The following FMN1 variants were observed in gnomAD, a reference collection of about 807,000 sequenced individuals.
FMN1 encodes formin 1, also known as formin-1.
FMN1 carries 110 observed loss-of-function variants against 132.4 expected under a neutral mutation model. The observed-to-expected ratio is 0.83, with a 90% confidence interval of 0.71 to 0.97. The LOEUF is 0.97. Ranked by LOEUF, FMN1 falls within the 50% of genes least tolerant of loss-of-function variation. The pLI is 0.00. For synonymous variants in FMN1, 722 were observed against 651.7 expected (o/e 1.11, Z -1.64); for missense variants, 1,792 against 1,705.3 (o/e 1.05, Z -0.90).
chr15:33,019,765 C>T (rs943969475), intron 6 of FMN1, among the ~76,000 whole-genome samples: 8 of 152,350 alleles, frequency 5.3e-5, no homozygotes, highest in Non-Finnish European at 1.0e-4. Flanking sequence ...GCAGGCCACT[C>T]GGAGTGCGGG....
At chr15:32,865,901 A>C (rs896027615) in intron 16 of FMN1, among the ~76,000 whole-genome samples, 11 of 152,178 alleles carry the variant, frequency 7.2e-5, no homozygotes, top group African/African-American at 2.4e-4. Flanking sequence ...TCAATAATAG[A>C]AATACAAGTA....
intron 12 of FMN1, among the ~76,000 whole-genome samples, chr15:32,908,006 T>C (rs533378215): frequency 6.6e-6 from 1 of 151,456 alleles, no homozygotes; most frequent in African/African-American, 2.4e-5. Flanking sequence ...ATGTACAGAG[T>C]GAGGGTGAGA....
At chr15:33,119,714 T>C (rs1002933103) in intron 4 of FMN1, among the ~76,000 whole-genome samples, 25 of 152,328 alleles carry the variant, frequency 1.6e-4, no homozygotes, top group Admixed American at 1.2e-3. Flanking sequence ...TTTTGAATCA[T>C]CTCTCAAAAC....
chr15:33,157,249 G>GT (rs1389447514), intron 3 of FMN1, among the ~76,000 whole-genome samples: 1 of 139,246 alleles, frequency 7.2e-6, no homozygotes, highest in African/African-American at 2.7e-5. Flanking sequence ...TGGTGACAGA[G>GT]TGAGACTCCA....
chr15:32,901,778 A>G, intron 13 of FMN1, 133 bp downstream of exon 13: 1 of 632,434 alleles, frequency 1.6e-6, no homozygotes, highest in Admixed American at 3.9e-5. Context: ...CAAGATAATC[A>G]TCAAATTTAC....
chr15:33,078,726 G>C (rs1415226236), intron 5 of FMN1, among the ~76,000 whole-genome samples: 2 of 151,826 alleles, frequency 1.3e-5, no homozygotes, highest in African/African-American at 4.8e-5. Context: ...GTATGCAAAG[G>C]CTACTGCATT....
intron 16 of FMN1, among the ~76,000 whole-genome samples, chr15:32,858,025 AAAAGCCTATTAAT>A (rs1259543306): frequency 1.3e-5 from 2 of 152,244 alleles, no homozygotes; most frequent in African/African-American, 4.8e-5. Flanking sequence ...GTTCTTGTCC[AAAAGCCTATTAAT>A]AAAGCACTGG....
intron 9 of FMN1, among the ~76,000 whole-genome samples, chr15:32,953,222 G>A (rs540254956): frequency 1.1e-4 from 17 of 152,304 alleles, no homozygotes; most frequent in African/African-American, 3.1e-4. Flanking sequence ...GTGGCTTTTC[G>A]TAACTTCTGG....
chr15:33,109,174 C>A (rs991648844), intron 4 of FMN1, among the ~76,000 whole-genome samples: 2 of 152,016 alleles, frequency 1.3e-5, no homozygotes, highest in African/African-American at 4.8e-5. Flanking sequence ...TAGTAACAAA[C>A]TAAAATATTT....
At chr15:33,000,340 T>C (rs1391411212) in intron 7 of FMN1, among the ~76,000 whole-genome samples, 1 of 150,104 alleles carries the variant, frequency 6.7e-6, no homozygotes, top group Non-Finnish European at 1.5e-5. Flanking sequence ...TCCCAGCTAC[T>C]CGGGAGGCTG....
Position 33,165,326 on chromosome 15 carries a change from C to T in FMN1, c.-131-10281G>A, listed in dbSNP as rs377320447. Reference sequence around the variant, plus strand: ...ATATGTTACATCAAATTTGCATTTTCTGATTAAGGAAGCTGCTCTTGAACA... The same window carrying T: ...ATATGTTACATCAAATTTGCATTTTTTGATTAAGGAAGCTGCTCTTGAACA... On this transcript the variant is annotated intron_variant, in intron 3 of 20. Coordinates refer to ENST00000616417, the MANE Select transcript of FMN1 (RefSeq NM_001277313.2). Among the ~76,000 whole-genome samples the T allele has an allele frequency of 7.2e-5, 11 of 152,328 alleles. 1 individual carries two copies. The East Asian group carries it at 2.1e-3, about 29-fold the overall frequency.
At chr15:33,026,724 T>C (rs345867) in intron 6 of FMN1, among the ~76,000 whole-genome samples, 58,988 of 151,776 alleles carry the variant, frequency 0.39, 11,872 homozygotes, top group Admixed American at 0.48. Context: ...GAGAGAGAGG[T>C]GAAGGTCAGT....
chr15:32,807,378 C>A (rs1193203454), intron 17 of FMN1, among the ~76,000 whole-genome samples: 4 of 152,214 alleles, frequency 2.6e-5, no homozygotes, highest in Non-Finnish European at 5.9e-5. Context: ...TAGTCTGGTA[C>A]TTAGCCAATC....
intron 15 of FMN1, among the ~76,000 whole-genome samples, chr15:32,895,562 T>C (rs1373851584): frequency 6.6e-6 from 1 of 152,130 alleles, no homozygotes; most frequent in Non-Finnish European, 1.5e-5. Context: ...ATGAGTCCCA[T>C]TTGACTTAGA....
At chr15:32,833,040 C>A (rs539851013) in intron 17 of FMN1, among the ~76,000 whole-genome samples, 1 of 152,098 alleles carries the variant, frequency 6.6e-6, no homozygotes, top group East Asian at 1.9e-4. Flanking sequence ...CTTTACAACT[C>A]CTCCTTTCTC....
chr15:33,176,635 T>C (rs1272092546), intron 3 of FMN1, among the ~76,000 whole-genome samples: 1 of 152,156 alleles, frequency 6.6e-6, no homozygotes, highest in Non-Finnish European at 1.5e-5. Flanking sequence ...ATTTCCTTTC[T>C]TCTCACTTGT....
intron 6 of FMN1, among the ~76,000 whole-genome samples, chr15:33,013,565 G>A (rs959206482): frequency 2.0e-5 from 3 of 152,106 alleles, no homozygotes; most frequent in Non-Finnish European, 4.4e-5. Context: ...TATTTTTTAC[G>A]AAATTATCTT....
At chr15:33,125,385 A>G (rs1902149) in intron 4 of FMN1, among the ~76,000 whole-genome samples, 52,907 of 152,132 alleles carry the variant, frequency 0.35, 10,101 homozygotes, top group South Asian at 0.41. Flanking sequence ...GGTTAGTTCT[A>G]GTTGAAGAAA....
chr15:32,916,620 G>A (rs957867621), intron 10 of FMN1, among the ~76,000 whole-genome samples: 1 of 152,172 alleles, frequency 6.6e-6, no homozygotes, highest in African/African-American at 2.4e-5. Flanking sequence ...TACGTAGCCT[G>A]TTTTATTCTT....
Sources: gnomAD v4.1 joint callset for allele counts (sites outside exome capture counted in the v4.1 genomes callset) on GRCh38, gnomAD v4.1.1 for gene constraint, MANE v1.5 for transcripts, NCBI Gene and HGNC (gene_info 2026-07-23, HGNC 2026-07-21) for gene names.